AGBL1: variants seen among roughly 807,000 people sequenced by gnomAD.
The protein encoded by AGBL1 is cytosolic carboxypeptidase 4.
In AGBL1, 130 loss-of-function variants were observed where a neutral mutation model predicts 118.9. The ratio of observed to expected loss-of-function variants is 1.09; its 90% CI spans 0.95 to 1.26. The LOEUF is 1.26. Ranked by LOEUF, AGBL1 falls within the 50% of genes most tolerant of loss-of-function variation. AGBL1 has a pLI of 0.00. For synonymous variants in AGBL1, 555 were observed against 478.9 expected (o/e 1.16, Z -2.08); for missense variants, 1,584 against 1,298.1 (o/e 1.22, Z -3.38).
intron 22 of AGBL1, among the ~76,000 whole-genome samples, chr15:86,759,627 C>G (rs950904313): frequency 3.3e-5 from 5 of 152,018 alleles, no homozygotes; most frequent in Admixed American, 2.6e-4. Flanking sequence ...GGTGAGGTAG[C>G]CATTGTTAGA....
intron 1 of AGBL1, among the ~76,000 whole-genome samples, chr15:86,133,210 C>G (rs1414940847): frequency 6.6e-6 from 1 of 152,192 alleles, no homozygotes; most frequent in Non-Finnish European, 1.5e-5. Context: ...CTCTACCTCT[C>G]TCTTTCTGTG....
At chr15:86,873,586 C>T (rs1015755904) in intron 22 of AGBL1, among the ~76,000 whole-genome samples, 2 of 152,050 alleles carry the variant, frequency 1.3e-5, no homozygotes, top group African/African-American at 4.8e-5. Flanking sequence ...GAGATTAGTG[C>T]CCGTATAACA....
At position 86,912,023 on chromosome 15, in the gene AGBL1, A is replaced by G. The variant is rs146048724; in HGVS notation, c.*4729A>G. 6.6e-6 allele frequency: 1 copy of G among 152,304 alleles called. No homozygotes were observed. Among genetic ancestry groups the G allele is most frequent in the African/African-American group, 2.4e-5 (1 of 41,562 alleles). 9.4% of individuals were successfully genotyped at this position (152,304 alleles called of 1,614,324 possible). On this transcript the variant is annotated 3_prime_UTR_variant, in exon 23 of 23. Coordinates refer to ENST00000614907, the MANE Select transcript of AGBL1 (RefSeq NM_001386094.1). Reference sequence around the variant, plus strand: ...ACTTCTTAACACATTGCAGGTGTTCAAAAATGTGTCTTCCCCTCAGCTTCA... The same window carrying G: ...ACTTCTTAACACATTGCAGGTGTTCGAAAATGTGTCTTCCCCTCAGCTTCA...
In AGBL1 at chr15:86,649,995, G is replaced by A. The variant is rs866782409; in HGVS notation, c.2995-24278G>A. Among the ~76,000 whole-genome samples, 3 of 151,920 alleles carry A rather than the reference G, an allele frequency of 2.0e-5. No homozygotes were observed. The South Asian group carries it at 6.2e-4, about 31-fold the overall frequency. On this transcript the variant is annotated intron_variant, in intron 21 of 22. Transcript: ENST00000614907. ...TATGTCTGACAAGCATTAAGTCATA[G>A]GACCAAAAAAAATTGGGATAAGCTT...
At chr15:86,681,611 G>C (rs2085958534) in intron 22 of AGBL1, among the ~76,000 whole-genome samples, 1 of 151,976 alleles carries the variant, frequency 6.6e-6, no homozygotes, top group Non-Finnish European at 1.5e-5. Flanking sequence ...TTTTCTTTTG[G>C]TCTATTCATT....
chr15:86,353,602 G>T (rs1336919694), intron 17 of AGBL1, among the ~76,000 whole-genome samples: 1 of 152,164 alleles, frequency 6.6e-6, no homozygotes, highest in African/African-American at 2.4e-5. Flanking sequence ...GTGATTTTAT[G>T]ATAAAATCAT....
chr15:86,786,388 C>A (rs1168828117), intron 22 of AGBL1, among the ~76,000 whole-genome samples: 1 of 151,942 alleles, frequency 6.6e-6, no homozygotes, highest in Non-Finnish European at 1.5e-5. Flanking sequence ...GAGAGTGTGG[C>A]AGGATATGGC....
At chr15:86,645,330 G>T (rs2085259968) in intron 21 of AGBL1, among the ~76,000 whole-genome samples, 1 of 152,138 alleles carries the variant, frequency 6.6e-6, no homozygotes, top group Non-Finnish European at 1.5e-5. Context: ...GTGAAAAATT[G>T]GGGAAGGACA....
intron 17 of AGBL1, among the ~76,000 whole-genome samples, chr15:86,333,529 A>C (rs62012268): frequency 0.19 from 29,312 of 152,128 alleles, 2,977 homozygotes; most frequent in South Asian, 0.21. Flanking sequence ...TCCAAAAATT[A>C]ATCAGTAATG....
At chr15:86,663,917 T>C (rs1322535136) in intron 21 of AGBL1, among the ~76,000 whole-genome samples, 1 of 152,112 alleles carries the variant, frequency 6.6e-6, no homozygotes, top group Non-Finnish European at 1.5e-5. Context: ...CTGATTCACA[T>C]TTACCCTCTG....
In AGBL1 at chr15:86,613,730, T is replaced by G. The variant is rs1228626629; in HGVS notation, c.2994+59193T>G. Among the ~76,000 whole-genome samples the G allele has an allele frequency of 1.3e-5, 2 of 152,152 alleles. No individual in the cohort carries two copies. The highest frequency in any genetic ancestry group is 2.4e-5 in the African/African-American group (1 of 41,436). On this transcript the variant is annotated intron_variant, in intron 21 of 22. Transcript: ENST00000614907. The surrounding 1 kb of genome is among the most constrained non-coding windows in gnomAD (Gnocchi z 4.2). ...CCAAGCTCTGCTACTCCAAGTAGGATCTTCAGAACAGCATCATCTCCATCA... is the reference window on the plus strand; with the variant it reads ...CCAAGCTCTGCTACTCCAAGTAGGAGCTTCAGAACAGCATCATCTCCATCA...
chr15:86,311,049 C>G (rs1000048364), intron 17 of AGBL1, among the ~76,000 whole-genome samples: 1 of 152,138 alleles, frequency 6.6e-6, no homozygotes, highest in Non-Finnish European at 1.5e-5. Context: ...CCTTGCAGCC[C>G]TCAGAACAGA....
At chr15:86,823,162 G>T (rs1462155074) in intron 22 of AGBL1, among the ~76,000 whole-genome samples, 1 of 152,104 alleles carries the variant, frequency 6.6e-6, no homozygotes, top group Non-Finnish European at 1.5e-5. Context: ...CTTATCTTCT[G>T]TAACTATAAG....
chr15:86,173,107 AGT>A (rs1299730421), intron 5 of AGBL1: 4 of 152,018 alleles, frequency 2.6e-5, no homozygotes, highest in Admixed American at 2.6e-4. Flanking sequence ...GATTCGTGAT[AGT>A]GAGCATTTTT....
At chr15:86,475,744 A>G (rs1270793335) in intron 18 of AGBL1, among the ~76,000 whole-genome samples, 2 of 152,214 alleles carry the variant, frequency 1.3e-5, no homozygotes, top group Non-Finnish European at 2.9e-5. Flanking sequence ...ATACTCATCA[A>G]GAAGAGCAAC....
At chr15:86,927,031 C>G (rs918263288) in intron 23 of AGBL1, among the ~76,000 whole-genome samples, 3 of 151,848 alleles carry the variant, frequency 2.0e-5, no homozygotes, top group African/African-American at 7.3e-5. Flanking sequence ...CCTAGCTGCT[C>G]AGGAGGCTGA....
chr15:86,641,878 A>C (rs1255418495), intron 21 of AGBL1, among the ~76,000 whole-genome samples: 1 of 152,224 alleles, frequency 6.6e-6, no homozygotes. Flanking sequence ...TTTCAGGCTC[A>C]TGGATGTGCT....
chr15:86,228,415 A>C (rs969133099), intron 6 of AGBL1, among the ~76,000 whole-genome samples: 5 of 152,178 alleles, frequency 3.3e-5, no homozygotes, highest in Non-Finnish European at 7.3e-5. Context: ...GGCCATTGTA[A>C]TCGTTCTCTG....
chr15:86,275,374 A>G (rs2079234246), intron 15 of AGBL1, among the ~76,000 whole-genome samples: 1 of 152,180 alleles, frequency 6.6e-6, no homozygotes, highest in Non-Finnish European at 1.5e-5. Flanking sequence ...AATATTAGAA[A>G]TGCTGCAGAC....
Sources: allele counts gnomAD v4.1 joint callset (sites outside exome capture counted in the v4.1 genomes callset), GRCh38; gene constraint gnomAD v4.1.1; non-coding constraint Gnocchi (gnomAD v3.1); transcripts MANE v1.5; gene names NCBI Gene and HGNC (gene_info 2026-07-23, HGNC 2026-07-21).